Variants in CLCN1 observed in about 807,000 individuals in gnomAD.
CLCN1 encodes the protein chloride channel protein 1.
A neutral mutation model predicts 114.5 loss-of-function variants in CLCN1; 100 were observed. That is an observed-to-expected ratio of 0.87 (90% confidence interval 0.74 to 1.03). The LOEUF (loss-of-function observed/expected upper bound fraction) is 1.03. Among genes scored for constraint, CLCN1 ranks in the 50% least tolerant of loss-of-function variants. CLCN1 has a pLI of 0.00. For missense variants in CLCN1, 1,188 were observed against 1,250.0 expected (o/e 0.95, Z 0.75); for synonymous variants, 485 against 487.1 (o/e 1.00, Z 0.06).
intron 12 of CLCN1, among the ~76,000 whole-genome samples, chr7:143,336,301 C>G (rs1263230481): frequency 6.7e-6 from 1 of 148,662 alleles, no homozygotes; most frequent in African/African-American, 2.5e-5. Flanking sequence ...TGTTTAAAAT[C>G]GTGGTAGTTC....
chr7:143,322,467 C>A (rs1306168443), intron 5 of CLCN1, among the ~76,000 whole-genome samples: 1 of 152,194 alleles, frequency 6.6e-6, no homozygotes, highest in Admixed American at 6.5e-5. Flanking sequence ...TCTCATCTGA[C>A]CCCTGGTCAA....
At chr7:143,342,610 C>A in intron 16 of CLCN1, 105 bp downstream of exon 16, 3 of 1,138,014 alleles carry the variant, frequency 2.6e-6, no homozygotes, top group Non-Finnish European at 3.9e-6. Flanking sequence ...AGGGGCCATC[C>A]AATGTGCTAT....
intron 16 of CLCN1, among the ~76,000 whole-genome samples, 192 bp from the exon 17 acceptor site, chr7:143,345,328 TA>T (rs1383077786): frequency 3.9e-5 from 6 of 152,182 alleles, no homozygotes; most frequent in African/African-American, 1.4e-4. Flanking sequence ...CCGTACCTGC[TA>T]AATGGATGAA....
chr7:143,331,768 A>G (rs2116853653), intron 10 of CLCN1, 116 bp downstream of exon 10: 1 of 746,000 alleles, frequency 1.3e-6, no homozygotes, highest in Non-Finnish European at 2.4e-6. Flanking sequence ...GCATTAAAAT[A>G]TAAGGAAGCT....
Position 143,332,767 on chromosome 7 carries a change from C to G in CLCN1, c.1295C>G (p.Thr432Arg), listed in dbSNP as rs1563080014. ...ATCAGTACTTTGTTTGACAACAATA[C>G]ATGGGTGAAACACGCGGGTGATCCT... is the stretch of plus-strand genomic sequence containing the variant. ...EAISTLFDNNTWVKHAGDPES... is the reference protein window; with the variant it reads ...EAISTLFDNNRWVKHAGDPES... Residue 432 changes from threonine to arginine, a missense_variant, in exon 12 of 23, where the codon ACA becomes AGA. Thr to Arg is a moderately conservative substitution (Grantham distance 71, BLOSUM62 -1). Coordinates refer to ENST00000343257, the MANE Select transcript of CLCN1 (RefSeq NM_000083.3). 1.9e-6 allele frequency: 3 copies of G among 1,614,206 alleles called. No homozygotes were observed. The highest frequency in any genetic ancestry group is 2.5e-6 in the Non-Finnish European group (3 of 1,180,044).
intron 1 of CLCN1, among the ~76,000 whole-genome samples, chr7:143,317,468 G>A (rs1802318353): frequency 6.6e-6 from 1 of 151,934 alleles, no homozygotes; most frequent in South Asian, 2.1e-4. Context: ...AGGCTGTCTC[G>A]AACTCCTGAC....
In CLCN1 at chr7:143,350,773, T is replaced by G; in HGVS notation, c.2595+119T>G. On this transcript the variant is annotated intron_variant, in intron 22 of 22. Coordinates refer to ENST00000343257, the MANE Select transcript of CLCN1 (RefSeq NM_000083.3). The surrounding 1 kb of genome is among the most constrained non-coding windows in gnomAD (Gnocchi z 5.1). ...AAGTCCCCTCAGATTCCCTTCTCTATTTCTTTCTTTTTTTTTTTTTTGAGA... is the reference window on the plus strand; with the variant it reads ...AAGTCCCCTCAGATTCCCTTCTCTAGTTCTTTCTTTTTTTTTTTTTTGAGA... The G allele has an allele frequency of 1.4e-6, 1 of 729,478 alleles. No individual in the cohort carries two copies. 45.2% of individuals were successfully genotyped at this position (729,478 alleles called of 1,614,324 possible).
rs369471801 is a variant in CLCN1 at position 143,339,260 on chromosome 7, T to A, written c.1409T>A (p.Met470Lys). The change falls in exon 13 of 23, where the codon ATG becomes AAG. Residue 470 changes from methionine (M) to lysine (K), a missense_variant. Physicochemically the swap from Met to Lys is moderately conservative, Grantham distance 95. Coordinates refer to ENST00000343257, the MANE Select transcript of CLCN1 (RefSeq NM_000083.3). This position sits in a 1 kb window ranked among gnomAD's most constrained non-coding sequence, Gnocchi z 4.1. ...IFLFFVMKFW[M>K]SIVATTMPIP... ...CGCTTCTTTCTACTCCAGTTCTGGA[T>A]GTCCATCGTGGCCACCACTATGCCC... is the stretch of plus-strand genomic sequence containing the variant. The A allele has an allele frequency of 6.2e-7, 1 of 1,608,924 alleles. No homozygotes were observed. Among genetic ancestry groups the A allele is most frequent in the African/African-American group, 1.3e-5 (1 of 74,774 alleles).
chr7:143,341,961 A>G lies in CLCN1; in HGVS notation c.1615A>G (p.Thr539Ala), dbSNP rs1474851853. Residue 539 changes from threonine (T) to alanine (A), a missense_variant, in exon 15 of 23, where the codon ACA (threonine) becomes GCA (alanine). Thr to Ala is a moderately conservative substitution (Grantham distance 58). Coordinates refer to ENST00000343257, the MANE Select transcript of CLCN1 (RefSeq NM_000083.3). ...AAALTGAVSH[T>A]VSTAVICFEL... ...AGCGCTGACTGGTGCCGTTTCCCACACAGTCTCCACAGCTGTGATTTGCTT... is the reference window on the plus strand; with the variant it reads ...AGCGCTGACTGGTGCCGTTTCCCACGCAGTCTCCACAGCTGTGATTTGCTT... 4 of 1,613,980 alleles carry G rather than the reference A, an allele frequency of 2.5e-6. No homozygotes were observed. The highest frequency in any genetic ancestry group is 4.5e-5 in the East Asian group (2 of 44,878).
chr7:143,323,051 C>G lies in CLCN1; in HGVS notation c.697-258C>G, dbSNP rs111676448. On this transcript the variant is annotated intron_variant, in intron 5 of 22. Coordinates refer to ENST00000343257, the MANE Select transcript of CLCN1 (RefSeq NM_000083.3). ...CCATCATTCAAAGCTCTACTTTAGG[C>G]AGGCTCCTCAGGCCCTTTCCTCTAA... Among the ~76,000 whole-genome samples, 1,166 of 152,302 alleles carry G rather than the reference C, an allele frequency of 7.7e-3. 19 individuals carry two copies. Among genetic ancestry groups the G allele is most frequent in the African/African-American group, 0.026 (1,087 of 41,574 alleles).
intron 5 of CLCN1, among the ~76,000 whole-genome samples, chr7:143,322,817 G>A (rs1167337562): frequency 6.6e-6 from 1 of 152,354 alleles, no homozygotes; most frequent in African/African-American, 2.4e-5. Flanking sequence ...CACCGCGCCC[G>A]GCCTTATCAG....
chr7:143,344,833 C>T (rs1803184987), intron 16 of CLCN1, among the ~76,000 whole-genome samples: 1 of 151,246 alleles, frequency 6.6e-6, no homozygotes, highest in Non-Finnish European at 1.5e-5. Context: ...TCACTGCAAC[C>T]TCTGCCTCCC....
At chr7:143,323,857 T>C (rs548830128) in intron 6 of CLCN1, 2 of 473,072 alleles carry the variant, frequency 4.2e-6, no homozygotes, top group African/African-American at 2.0e-5. Context: ...TGTCGGCCTG[T>C]GCAGTGGGCG....
Position 143,320,945 on chromosome 7 carries a change from G to A in CLCN1, c.433+150G>A, listed in dbSNP as rs145068952. ...GGGATCAGGTGGGACTCCAGGCCCA[G>A]AAAAGACCAGACCCAGGCCTGCTCC... On this transcript the variant is annotated intron_variant, in intron 3 of 22. Coordinates refer to ENST00000343257, the MANE Select transcript of CLCN1 (RefSeq NM_000083.3). 3,018 of 935,552 alleles carry A rather than the reference G, an allele frequency of 3.2e-3. 9 individuals are homozygous for A. The highest frequency in any genetic ancestry group is 3.8e-3 in the Non-Finnish European group (2,234 of 588,884). 58.0% of individuals were successfully genotyped at this position (935,552 alleles called of 1,614,324 possible). A position where few individuals can be genotyped will look rare whatever the true frequency, so the allele number is the denominator to read the frequency against.
At chr7:143,348,868 A>G (rs1166268276) in intron 20 of CLCN1, among the ~76,000 whole-genome samples, 6 of 152,206 alleles carry the variant, frequency 3.9e-5, no homozygotes, top group Admixed American at 3.9e-4. Flanking sequence ...TACCTGGAAT[A>G]CAAACAGCAG....
In CLCN1 at chr7:143,321,729, G is replaced by A. The variant is rs80356686; in HGVS notation, c.577G>A (p.Glu193Lys). 1.5e-5 allele frequency: 24 copies of A among 1,614,096 alleles called. No individual in the cohort carries two copies. Among genetic ancestry groups the A allele is most frequent in the South Asian group, 2.2e-5 (2 of 91,084 alleles). ...SPQAVGSGIP[E>K]MKTILRGVVL... ...AACGCTTTTAGGCTCTGGAATCCCC[G>A]AAATGAAGACAATACTTCGTGGGGT... Residue 193 changes from glutamate to lysine, a missense_variant, in exon 5 of 23, where the codon GAA becomes AAA. Physicochemically the swap from Glu to Lys is moderately conservative, Grantham distance 56. Coordinates refer to ENST00000343257, the MANE Select transcript of CLCN1 (RefSeq NM_000083.3). The surrounding 1 kb of genome is among the most constrained non-coding windows in gnomAD (Gnocchi z 4.2).
Position 143,350,296 on chromosome 7 carries a change from G to A in CLCN1, c.2404-76G>A, listed in dbSNP as rs1444107561. The A allele has an allele frequency of 9.3e-6, 11 of 1,182,730 alleles. No individual in the cohort carries two copies. The highest frequency in any genetic ancestry group is 3.8e-5 in the South Asian group (3 of 78,534). 73.3% of individuals were successfully genotyped at this position (1,182,730 alleles called of 1,614,324 possible). On this transcript the variant is annotated intron_variant, in intron 20 of 22. Transcript: ENST00000343257. This position sits in a 1 kb window ranked among gnomAD's most constrained non-coding sequence, Gnocchi z 5.1. Reference sequence around the variant, plus strand: ...ATTCTGGGCAGCGGCTAGGAGGGCCGTTTGGGGTCAAAATCAGGTATCTGG... The same window carrying A: ...ATTCTGGGCAGCGGCTAGGAGGGCCATTTGGGGTCAAAATCAGGTATCTGG...
chr7:143,338,340 T>C (rs947970006), intron 12 of CLCN1, among the ~76,000 whole-genome samples: 15 of 152,172 alleles, frequency 9.9e-5, no homozygotes, highest in Non-Finnish European at 4.4e-5. Context: ...TTGTTTAAGG[T>C]GATCTGATCA....
At position 143,324,564 on chromosome 7, in the gene CLCN1, C is replaced by T; in HGVS notation, c.853+72C>T. Reference sequence around the variant, plus strand: ...CTCCCAAAACAGTTTTAATCAGTATCCACAAGTGCTGGTATTACCAGGTTA... The same window carrying T: ...CTCCCAAAACAGTTTTAATCAGTATTCACAAGTGCTGGTATTACCAGGTTA... On this transcript the variant is annotated intron_variant, in intron 7 of 22. Coordinates refer to ENST00000343257, the MANE Select transcript of CLCN1 (RefSeq NM_000083.3). The surrounding 1 kb of genome is among the most constrained non-coding windows in gnomAD (Gnocchi z 4.6). 2.7e-6 allele frequency: 3 copies of T among 1,127,110 alleles called. No homozygotes were observed. In the East Asian group the frequency reaches 7.0e-5, roughly 26 times the overall value. The allele number at this position is 1,127,110 out of a possible 1,614,324, so 69.8% of individuals were successfully genotyped here.
Sources: allele counts gnomAD v4.1 joint callset (sites outside exome capture counted in the v4.1 genomes callset), GRCh38; gene constraint gnomAD v4.1.1; non-coding constraint Gnocchi (gnomAD v3.1); transcripts MANE v1.5; gene names NCBI Gene and HGNC (gene_info 2026-07-23, HGNC 2026-07-21).